Variants in STK32A observed in about 807,000 individuals in gnomAD.
The protein encoded by STK32A is serine/threonine kinase 32A.
A neutral mutation model predicts 53.2 loss-of-function variants in STK32A; 41 were observed. The observed-to-expected ratio is 0.77, with a 90% CI of 0.60 to 1.00. The LOEUF (loss-of-function observed/expected upper bound fraction) is 1.00. STK32A is among the 50% of genes least tolerant of loss of function. The pLI is 0.00. For missense variants in STK32A, 458 were observed against 485.8 expected (o/e 0.94, Z 0.54); for synonymous variants, 166 against 162.8 (o/e 1.02, Z -0.15).
chr5:147,260,587 C>T (rs2400287), intron 2 of STK32A, among the ~76,000 whole-genome samples: 1 of 147,702 alleles, frequency 6.8e-6, no homozygotes, highest in East Asian at 1.9e-4. Context: ...GGGGTGTCTT[C>T]CCTGTCCTGG....
chr5:147,237,613 G>A (rs1353837609), intron 1 of STK32A, among the ~76,000 whole-genome samples: 4 of 152,024 alleles, frequency 2.6e-5, no homozygotes, highest in Non-Finnish European at 5.9e-5. Context: ...AGCCACCTGT[G>A]ACCACCTACC....
At position 147,326,014 on chromosome 5, in the gene STK32A, C is replaced by A. The variant is rs748911932; in HGVS notation, c.434+1943C>A. Among the ~76,000 whole-genome samples, 3 of 152,254 alleles carry A rather than the reference C, an allele frequency of 2.0e-5. No homozygotes were observed. In the South Asian group the frequency reaches 6.2e-4, roughly 32 times the overall value. On this transcript the variant is annotated intron_variant, in intron 5 of 12. Transcript: ENST00000397936. ...GGGTTCTGTCCCTTCTTTCTTTAGG[C>A]TTCATGTTCTTGGTCATCAAAAGAC...
Position 147,375,216 on chromosome 5 carries a change from C to T in STK32A, c.1030C>T (p.Gln344Ter). ...GGATATGAGGAAATGCGATTCTTCT[C>T]AGGTAAGCAGGTCCCCACCAAACTC... ...EKDMRKCDSS[Q>*]TCLLQEHLDS... Residue 344 changes from glutamine (Q) to a stop codon, truncating the protein, a stop_gained and splice_region_variant, in exon 11 of 13, where the codon CAG (glutamine) becomes TAG (stop). Coordinates refer to ENST00000397936, the MANE Select transcript of STK32A (RefSeq NM_001112724.2). LOFTEE classifies it high-confidence loss of function. The T allele has an allele frequency of 6.2e-7, 1 of 1,610,114 alleles. No individual in the cohort carries two copies. The highest frequency in any genetic ancestry group is 8.5e-7 in the Non-Finnish European group (1 of 1,178,252).
At chr5:147,399,074 G>A in the STK32A span, 1 of 1,613,786 alleles carries the variant, frequency 6.2e-7, no homozygotes, top group South Asian at 1.1e-5. Flanking sequence ...CACCAGAGCG[G>A]GCCTTACAGA....
chr5:147,258,383 CT>C (rs1193966483), intron 2 of STK32A, among the ~76,000 whole-genome samples: 2 of 152,102 alleles, frequency 1.3e-5, no homozygotes, highest in Non-Finnish European at 2.9e-5. Flanking sequence ...AATCCACATT[CT>C]TATGGCTCCT....
chr5:147,378,279 G>A (rs1314479327), intron 11 of STK32A, among the ~76,000 whole-genome samples: 1 of 152,142 alleles, frequency 6.6e-6, no homozygotes, highest in Non-Finnish European at 1.5e-5. Context: ...GGTTCCTCCA[G>A]ATTGAGCAGA....
At chr5:147,393,921 G>A in the STK32A span, 1 of 1,049,474 alleles carries the variant, frequency 9.5e-7, no homozygotes, top group Non-Finnish European at 1.4e-6. Context: ...GAGGCTTATT[G>A]ATTCTTTAGA....
At position 147,291,780 on chromosome 5, in the gene STK32A, A is replaced by G. The variant is rs533239456; in HGVS notation, c.260+12382A>G. ...GTGCTATAATTTTCTTCTGAACCAT[A>G]ATTTCTCTCTCTTCAGTTCACTATT... On this transcript the variant is annotated intron_variant, in intron 4 of 12. Coordinates refer to ENST00000397936, the MANE Select transcript of STK32A (RefSeq NM_001112724.2). Among the ~76,000 whole-genome samples the G allele has an allele frequency of 9.2e-5, 14 of 152,252 alleles. 1 individual carries two copies. In the South Asian group the frequency reaches 2.7e-3, roughly 29 times the overall value.
the STK32A span, chr5:147,397,656 T>A: frequency 1.9e-6 from 3 of 1,611,324 alleles, no homozygotes; most frequent in Admixed American, 3.3e-5. Context: ...AGAGCTCCAA[T>A]GCTTTTTACC....
chr5:147,278,045 T>C (rs1483523922), intron 2 of STK32A, 79 bp from the exon 3 acceptor site: 4 of 1,225,694 alleles, frequency 3.3e-6, no homozygotes, highest in Non-Finnish European at 4.7e-6. Context: ...TACTTCAGTT[T>C]AGTCCAATCT....
chr5:147,285,711 G>T (rs779392403), intron 4 of STK32A, among the ~76,000 whole-genome samples: 1 of 152,078 alleles, frequency 6.6e-6, no homozygotes, highest in Non-Finnish European at 1.5e-5. Context: ...CTAATGATCA[G>T]GGAAATGCAA....
intron 2 of STK32A, among the ~76,000 whole-genome samples, chr5:147,240,698 T>C (rs1405769824): frequency 6.6e-6 from 1 of 152,238 alleles, no homozygotes; most frequent in East Asian, 1.9e-4. Flanking sequence ...GCAAGTTTGA[T>C]TGCTGAAATG....
At chr5:147,396,150 G>C in the STK32A span, among the ~76,000 whole-genome samples, 2 of 151,882 alleles carry the variant, frequency 1.3e-5, no homozygotes. Context: ...GTCATGACAC[G>C]AGGTCGCAGG....
intron 4 of STK32A, among the ~76,000 whole-genome samples, chr5:147,285,216 T>A (rs1292303299): frequency 6.6e-6 from 1 of 152,130 alleles, no homozygotes; most frequent in African/African-American, 2.4e-5. Context: ...GACACCCTTT[T>A]CAACAAATGG....
At chr5:147,257,987 A>G (rs1470825018) in intron 2 of STK32A, among the ~76,000 whole-genome samples, 2 of 151,872 alleles carry the variant, frequency 1.3e-5, no homozygotes, top group African/African-American at 4.8e-5. Flanking sequence ...AAGGCCAAAC[A>G]CCATTTTATA....
At chr5:147,270,269 A>T (rs955239757) in intron 2 of STK32A, among the ~76,000 whole-genome samples, 2 of 151,982 alleles carry the variant, frequency 1.3e-5, no homozygotes, top group African/African-American at 4.8e-5. Flanking sequence ...CAGTGGTGCG[A>T]TCACAGCTTA....
chr5:147,363,341 A>T (rs1443968422), intron 8 of STK32A, among the ~76,000 whole-genome samples: 4 of 89,880 alleles, frequency 4.5e-5, no homozygotes, highest in Admixed American at 1.1e-4. Context: ...CATGGGAGCA[A>T]TCACTCTCAT....
At chr5:147,340,079 A>G (rs1006677939) in intron 5 of STK32A, among the ~76,000 whole-genome samples, 3 of 152,204 alleles carry the variant, frequency 2.0e-5, no homozygotes, top group African/African-American at 7.2e-5. Flanking sequence ...TCATGGTGCT[A>G]GTGAGAGTGT....
chr5:147,334,498 G>A (rs1314998278), intron 5 of STK32A, among the ~76,000 whole-genome samples: 1 of 152,168 alleles, frequency 6.6e-6, no homozygotes, highest in African/African-American at 2.4e-5. Flanking sequence ...AGATAAACAT[G>A]GAGTCCTGAC....
Sources: gnomAD v4.1 joint callset for allele counts (sites outside exome capture counted in the v4.1 genomes callset) on GRCh38, gnomAD v4.1.1 for gene constraint, MANE v1.5 for transcripts, NCBI Gene and HGNC (gene_info 2026-07-23, HGNC 2026-07-21) for gene names.